The following ARAP3 variants were observed in gnomAD, a reference collection of about 807,000 sequenced individuals.
The protein encoded by ARAP3 is arf-GAP with Rho-GAP domain, ANK repeat and PH domain-containing protein 3.
A neutral mutation model predicts 169.2 loss-of-function variants in ARAP3; 82 were observed. The observed-to-expected ratio is 0.48, with a 90% CI of 0.41 to 0.58. The LOEUF (loss-of-function observed/expected upper bound fraction) is 0.58. Ranked by LOEUF, ARAP3 falls within the 20% of genes least tolerant of loss-of-function variation. ARAP3 has a pLI of 0.00. For missense variants in ARAP3, 1,764 were observed against 2,018.0 expected (o/e 0.87, Z 2.41); for synonymous variants, 791 against 800.3 (o/e 0.99, Z 0.20).
At chr5:141,664,599 C>T (rs1219195924) in intron 19 of ARAP3, among the ~76,000 whole-genome samples, 1 of 152,188 alleles carries the variant, frequency 6.6e-6, no homozygotes, top group Non-Finnish European at 1.5e-5. Context: ...TCCTCCCCTA[C>T]TCCACACTCT....
In ARAP3 at chr5:141,655,404, G is replaced by T. The variant is rs369467470; in HGVS notation, c.4111-4C>A. ...TCCTCCGGTTGTGTAGTCGCCGCTG[G>T]ACACAGGTGGGGTGGGGACAAGGGG... is the stretch of plus-strand genomic sequence containing the variant. On this transcript the variant is annotated splice_region_variant and splice_polypyrimidine_tract_variant and intron_variant, in intron 31 of 32. Transcript: ENST00000239440. 43 of 1,587,864 alleles carry T rather than the reference G, an allele frequency of 2.7e-5. No individual in the cohort carries two copies. Among genetic ancestry groups the T allele is most frequent in the Non-Finnish European group, 3.4e-5 (40 of 1,166,924 alleles).
chr5:141,680,528 G>C, intron 1 of ARAP3, 25 bp from the exon 2 acceptor site: 1 of 1,545,400 alleles, frequency 6.5e-7, no homozygotes, highest in Non-Finnish European at 8.7e-7. Context: ...AGGGTGAAGG[G>C]AGGGCTCAGG....
chr5:141,680,400 G>C lies in ARAP3; in HGVS notation c.87C>G (p.Gly29=). The change falls in exon 2 of 33, where the codon GGC becomes GGG. Residue 29 remains glycine (G), a synonymous_variant. Coordinates refer to ENST00000239440, the MANE Select transcript of ARAP3 (RefSeq NM_022481.6). ...EQYADTFRRH[G]LATAGAARGL... ...CCCGGGCTGCACCTGCTGTAGCCAG[G>C]CCATGCCGTCGGAACGTGTCTGCAT... 6.2e-7 allele frequency: 1 copy of C among 1,613,960 alleles called. No individual in the cohort carries two copies. Among genetic ancestry groups the C allele is most frequent in the South Asian group, 1.1e-5 (1 of 91,088 alleles).
Position 141,665,478 on chromosome 5 carries a change from C to T in ARAP3, c.2573-104G>A. The T allele has an allele frequency of 2.5e-6, 3 of 1,215,878 alleles. No homozygotes were observed. In the South Asian group the frequency reaches 4.0e-5, roughly 16 times the overall value. The allele number at this position is 1,215,878 out of a possible 1,614,324, so 75.3% of individuals were successfully genotyped here. On this transcript the variant is annotated intron_variant, in intron 17 of 32. Coordinates refer to ENST00000239440, the MANE Select transcript of ARAP3 (RefSeq NM_022481.6). ...CATAGATGCCAGGCTAGGAGCATTA[C>T]AAAAAACGTTCAGTTGAATCCTATG...
In ARAP3 at chr5:141,680,649, A is replaced by T. The variant is rs897736632; in HGVS notation, c.-17-146T>A. 1.3e-5 allele frequency: 17 copies of T among 1,260,352 alleles called. No homozygotes were observed. In the South Asian group the frequency reaches 2.4e-4, roughly 18 times the overall value. 78.1% of individuals were successfully genotyped at this position (1,260,352 alleles called of 1,614,324 possible). ...AGGCCTGCGATCTGGAAGCAGAGCC[A>T]TCCCAGAACAACAGCAATGGCTCTC... is the stretch of plus-strand genomic sequence containing the variant. On this transcript the variant is annotated intron_variant, in intron 1 of 32. Transcript: ENST00000239440.
At chr5:141,663,299 A>T (rs1268300823) in intron 19 of ARAP3, among the ~76,000 whole-genome samples, 1 of 151,980 alleles carries the variant, frequency 6.6e-6, no homozygotes, top group East Asian at 1.9e-4. Flanking sequence ...GAACACCCAG[A>T]TTCTTTCTTT....
In ARAP3 at chr5:141,680,002, C is replaced by G; in HGVS notation, c.485G>C (p.Gly162Ala). The G allele has an allele frequency of 6.2e-7, 1 of 1,614,148 alleles. No individual in the cohort carries two copies. The highest frequency in any genetic ancestry group is 8.5e-7 in the Non-Finnish European group (1 of 1,180,034). The change falls in exon 2 of 33, where the codon GGC becomes GCC. Residue 162 changes from glycine (G) to alanine (A), a missense_variant. This residue lies in a region of ARAP3 where 630 missense variants were observed against 678.7 expected (regional missense o/e 0.93). Coordinates refer to ENST00000239440, the MANE Select transcript of ARAP3 (RefSeq NM_022481.6). ...VEMMPNSIYF[G>A]LDSRGRAQAA... The stretch of plus-strand genomic sequence containing the variant: ...CTGTGCCCTGCCTCTTGAGTCCAGG[C>G]CGAAGTAGATGGAATTAGGCATCAT...
At chr5:141,657,667 G>C (rs2099909422) in intron 25 of ARAP3, among the ~76,000 whole-genome samples, 2 of 152,218 alleles carry the variant, frequency 1.3e-5, no homozygotes, top group Admixed American at 1.3e-4. Flanking sequence ...ATGGAGAGAA[G>C]TGATTGATTC....
Position 141,673,127 on chromosome 5 carries a change from AG to A in ARAP3, c.978del (p.Phe327SerfsTer5). On this transcript the variant is annotated frameshift_variant, in exon 7 of 33. Transcript: ENST00000239440. LOFTEE classifies it high-confidence loss of function. ...GTCAAAGGTATCACACCCTTAGGGA[AG>A]GGGTCCTGGAGAGAGAGAGCTCAAT... Reference protein sequence around the residue: ...SLMYFGSDKDPFPKGVIPLTA... With the variant: ...SLMYFGSDKDXFPKGVIPLTA... The A allele has an allele frequency of 6.2e-7, 1 of 1,614,186 alleles. No individual in the cohort carries two copies. The highest frequency in any genetic ancestry group is 1.3e-5 in the African/African-American group (1 of 75,048).
rs771550881 is a variant in ARAP3, at chr5:141,655,769, C to T, written c.3973-11G>A. 1.3e-5 allele frequency: 21 copies of T among 1,613,942 alleles called. No individual in the cohort carries two copies. The highest frequency in any genetic ancestry group is 1.6e-4 in the Middle Eastern group (1 of 6,084). ...CTGCTGGTCATCGTGCTGGTGGGAG[C>T]GTGAGGGGTTGGCATCAGTGGGCAT... On this transcript the variant is annotated splice_polypyrimidine_tract_variant and intron_variant, in intron 30 of 32. Transcript: ENST00000239440.
rs751310295 is a variant in ARAP3 at position 141,662,263 on chromosome 5, G to C, written c.2801-8C>G. ...CACCTTCCAGCCGGAGCCCTGAGGA[G>C]AGCCAGCCGTCTCTGCTCACCATGG... is the stretch of plus-strand genomic sequence containing the variant. On this transcript the variant is annotated splice_polypyrimidine_tract_variant and splice_region_variant and intron_variant, in intron 19 of 32. Coordinates refer to ENST00000239440, the MANE Select transcript of ARAP3 (RefSeq NM_022481.6). The C allele has an allele frequency of 1.9e-6, 3 of 1,613,496 alleles. No individual in the cohort carries two copies. The highest frequency in any genetic ancestry group is 1.7e-6 in the Non-Finnish European group (2 of 1,179,896).
rs1372003429 is a variant in ARAP3, at chr5:141,659,413, C to G, written c.3331G>C (p.Val1111Leu). ...EVSLITTWKD[V>L]QLSQAGDLIM... ...CTAAGGTCAGGACGAGTTACCTGCA[C>G]GTCCTTCCAGGTGGTGATAAGACTG... is the stretch of plus-strand genomic sequence containing the variant. The change falls in exon 23 of 33, where the codon GTG (valine) becomes CTG (leucine). Residue 1111 changes from valine (V) to leucine (L), a missense_variant. This residue lies in a region of ARAP3 where 1,112 missense variants were observed against 1,285.7 expected (regional missense o/e 0.86). Coordinates refer to ENST00000239440, the MANE Select transcript of ARAP3 (RefSeq NM_022481.6). 1.2e-6 allele frequency: 2 copies of G among 1,613,942 alleles called. No homozygotes were observed. Among genetic ancestry groups the G allele is most frequent in the African/African-American group, 2.7e-5 (2 of 74,924 alleles).
chr5:141,660,694 G>A (rs2099909840), intron 21 of ARAP3, among the ~76,000 whole-genome samples: 1 of 151,792 alleles, frequency 6.6e-6, no homozygotes, highest in Non-Finnish European at 1.5e-5. Flanking sequence ...TGTTACCCAG[G>A]CTGGTCTCCA....
rs752549468 is a variant in ARAP3 at position 141,666,552 on chromosome 5, G to T, written c.2444C>A (p.Pro815Gln). The change falls in exon 17 of 33, where the codon CCG becomes CAG. Residue 815 changes from proline to glutamine, a missense_variant. Physicochemically the swap from Pro to Gln is moderately conservative, Grantham distance 76. Coordinates refer to ENST00000239440, the MANE Select transcript of ARAP3 (RefSeq NM_022481.6). Reference protein sequence around the residue: ...LWLRSPSHTAPAPGLWLSGFG... With the variant: ...LWLRSPSHTAQAPGLWLSGFG... ...CCCTGACAGCCAGAGACCAGGGGCC[G>T]GGGCTGTATGGGAGGGGGACCGCAG... The T allele has an allele frequency of 6.3e-7, 1 of 1,581,928 alleles. No individual in the cohort carries two copies. Among genetic ancestry groups the T allele is most frequent in the East Asian group, 2.3e-5 (1 of 43,146 alleles).
In ARAP3 at chr5:141,680,200, G is replaced by C; in HGVS notation, c.287C>G (p.Pro96Arg). ...APQAQPPKPV[P>R]KPRTVFGGLS... ...TCCACCAAACACGGTCCTGGGCTTC[G>C]GCACGGGCTTAGGGGGCTGGGCTTG... is the stretch of plus-strand genomic sequence containing the variant. The change falls in exon 2 of 33, where the codon CCG (proline) becomes CGG (arginine). Residue 96 changes from proline to arginine, a missense_variant. By Grantham distance (103) the Pro-to-Arg change is moderately radical. Coordinates refer to ENST00000239440, the MANE Select transcript of ARAP3 (RefSeq NM_022481.6). 3.1e-6 allele frequency: 5 copies of C among 1,611,310 alleles called. No individual in the cohort carries two copies. The highest frequency in any genetic ancestry group is 1.1e-5 in the South Asian group (1 of 90,914).
chr5:141,659,494 GA>G lies in ARAP3; in HGVS notation c.3268-19del, dbSNP rs1324072436. On this transcript the variant is annotated intron_variant, in intron 22 of 32. Coordinates refer to ENST00000239440, the MANE Select transcript of ARAP3 (RefSeq NM_022481.6). Reference sequence around the variant, plus strand: ...GAATCGATCTGTGAAAGAGCCAAAAGAGAGTGTTGGGGTGCTGGAAGAGGAT... The same window carrying G: ...GAATCGATCTGTGAAAGAGCCAAAAGGAGTGTTGGGGTGCTGGAAGAGGAT... The G allele has an allele frequency of 3.1e-6, 5 of 1,613,594 alleles. No homozygotes were observed. The African/African-American group carries it at 5.3e-5, about 17-fold the overall frequency.
rs2099911571 is a variant in ARAP3, at chr5:141,672,425, C to T, written c.1386-124G>A. The T allele has an allele frequency of 6.8e-7, 1 of 1,478,980 alleles. No homozygotes were observed. The highest frequency in any genetic ancestry group is 9.2e-7 in the Non-Finnish European group (1 of 1,084,578). 91.6% of individuals were successfully genotyped at this position (1,478,980 alleles called of 1,614,324 possible). ...AGCCCAGACCCTTCTGACATCTTGA[C>T]CTAGCTCACTGGACTACCATCTGTG... On this transcript the variant is annotated intron_variant, in intron 9 of 32. Coordinates refer to ENST00000239440, the MANE Select transcript of ARAP3 (RefSeq NM_022481.6). This position sits in a 1 kb window ranked among gnomAD's most constrained non-coding sequence, Gnocchi z 4.9.
At chr5:141,665,443 G>T in intron 17 of ARAP3, 69 bp from the exon 18 acceptor site, 1 of 1,524,240 alleles carries the variant, frequency 6.6e-7, no homozygotes, top group Non-Finnish European at 9.1e-7. Flanking sequence ...TTTATTAAAT[G>T]CTTAACGTGC....
Position 141,665,418 on chromosome 5 carries a change from T to C in ARAP3, c.2573-44A>G, listed in dbSNP as rs763680042. ...GACATTTTCATGATTATCGTCTTCATTATAGAGACTATTATTTATTAAATG... is the reference window on the plus strand; with the variant it reads ...GACATTTTCATGATTATCGTCTTCACTATAGAGACTATTATTTATTAAATG... On this transcript the variant is annotated intron_variant, in intron 17 of 32. Coordinates refer to ENST00000239440, the MANE Select transcript of ARAP3 (RefSeq NM_022481.6). 31 of 1,589,128 alleles carry C rather than the reference T, an allele frequency of 2.0e-5. No individual in the cohort carries two copies. In the East Asian group the frequency reaches 4.7e-4, roughly 24 times the overall value.
Sources: gnomAD v4.1 joint callset for allele counts (sites outside exome capture counted in the v4.1 genomes callset) on GRCh38, gnomAD v4.1.1 for gene constraint, gnomAD v4.1.1 regional missense constraint, Gnocchi (gnomAD v3.1) non-coding constraint, MANE v1.5 for transcripts, NCBI Gene and HGNC (gene_info 2026-07-23, HGNC 2026-07-21) for gene names.